Variants in CRTC1 observed in about 807,000 individuals in gnomAD.
CRTC1 encodes CREB regulated transcription coactivator 1, also known as CREB-regulated transcription coactivator 1.
Under a neutral mutation model 66.1 loss-of-function variants are expected in CRTC1, and 18 were observed. The observed-to-expected ratio is 0.27, with a 90% CI of 0.19 to 0.40. The LOEUF is 0.40. CRTC1 is among the 10% of genes least tolerant of loss of function. The pLI, the probability that CRTC1 is intolerant of heterozygous loss-of-function variation, is 1.00. For synonymous variants in CRTC1, 416 were observed against 398.8 expected (o/e 1.04, Z -0.51); for missense variants, 669 against 887.9 (o/e 0.75, Z 3.13).
chr19:18,776,521 T>C (rs2054992138), intron 13 of CRTC1, among the ~76,000 whole-genome samples: 1 of 152,160 alleles, frequency 6.6e-6, no homozygotes, highest in South Asian at 2.1e-4. Context: ...TGGCCTGGGC[T>C]CTGAGTGCAG....
intron 11 of CRTC1, among the ~76,000 whole-genome samples, chr19:18,774,224 T>C (rs1206819315): frequency 6.6e-6 from 1 of 152,096 alleles, no homozygotes; most frequent in Non-Finnish European, 1.5e-5. Flanking sequence ...GGGGAGGGGC[T>C]CCGAGTGTCT....
chr19:18,717,846 G>C (rs990705554), intron 1 of CRTC1, among the ~76,000 whole-genome samples: 3 of 152,038 alleles, frequency 2.0e-5, no homozygotes, highest in Admixed American at 6.5e-5. Flanking sequence ...GTGTGAGGCA[G>C]GAACAGTACA....
chr19:18,756,989 C>T (rs911364878), intron 6 of CRTC1, among the ~76,000 whole-genome samples: 1 of 152,254 alleles, frequency 6.6e-6, no homozygotes, highest in African/African-American at 2.4e-5. Flanking sequence ...TCCACAGAGG[C>T]TTAACACCCG....
At chr19:18,769,434 C>T (rs770862914) in intron 10 of CRTC1, among the ~76,000 whole-genome samples, 6 of 152,234 alleles carry the variant, frequency 3.9e-5, no homozygotes, top group East Asian at 3.8e-4. Context: ...ACTTGTGTTC[C>T]GGGCACAATG....
intron 1 of CRTC1, among the ~76,000 whole-genome samples, chr19:18,704,634 C>T (rs1249737273): frequency 1.3e-5 from 2 of 152,074 alleles, no homozygotes; most frequent in Non-Finnish European, 2.9e-5. Context: ...ATCGCTTGAA[C>T]CCTGGAGGCA....
intron 4 of CRTC1, among the ~76,000 whole-genome samples, chr19:18,749,166 C>G (rs948058667): frequency 2.6e-5 from 4 of 152,172 alleles, no homozygotes; most frequent in African/African-American, 9.7e-5. Flanking sequence ...AGGGAAGAGC[C>G]TCTCCTGGGC....
At chr19:18,744,122 G>C in intron 2 of CRTC1, 3 of 1,612,842 alleles carry the variant, frequency 1.9e-6, no homozygotes, top group Non-Finnish European at 2.5e-6. Flanking sequence ...GCGGATTTCT[G>C]GGGGAGGCCC....
chr19:18,770,653 ATGTG>A (rs1045513074), intron 10 of CRTC1, among the ~76,000 whole-genome samples: 9 of 151,130 alleles, frequency 6.0e-5, no homozygotes, highest in South Asian at 2.1e-4. Context: ...ATGCATGTGA[ATGTG>A]TGTGCATGTG....
chr19:18,775,531 G>A lies in CRTC1; in HGVS notation c.1513-110G>A, dbSNP rs1410023242. 2.9e-6 allele frequency: 3 copies of A among 1,022,428 alleles called. No individual in the cohort carries two copies. In the East Asian group the frequency reaches 8.4e-5, roughly 29 times the overall value. The allele number at this position is 1,022,428 out of a possible 1,614,324, so 63.3% of individuals were successfully genotyped here. The stretch of plus-strand genomic sequence containing the variant: ...AGCCTGGGTGCCGAGCATCCTGCAG[G>A]GACAGAGTCCCCAGCTGCGGGCAGG... On this transcript the variant is annotated intron_variant, in intron 12 of 13. Coordinates refer to ENST00000321949, the MANE Select transcript of CRTC1 (RefSeq NM_015321.3).
At chr19:18,733,459 G>A (rs934171603) in intron 1 of CRTC1, among the ~76,000 whole-genome samples, 1 of 152,238 alleles carries the variant, frequency 6.6e-6, no homozygotes, top group Non-Finnish European at 1.5e-5. Flanking sequence ...CTGATAAAAG[G>A]CATTCCGAGG....
chr19:18,689,655 T>C lies in CRTC1; in HGVS notation c.126+5827T>C, dbSNP rs2052782131. On this transcript the variant is annotated intron_variant, in intron 1 of 13. Transcript: ENST00000321949. ...TCAGTGGCATTAAGTTTATTCCCAG[T>C]GTGGTGCACCGTCACCGGCATGGCT... Among the ~76,000 whole-genome samples the C allele has an allele frequency of 3.5e-5, 5 of 141,566 alleles. No homozygotes were observed. The Admixed American group carries it at 3.7e-4, about 11-fold the overall frequency. The allele number at this position is 141,566 out of a possible 152,430, so 92.9% of individuals were successfully genotyped here. A position where few individuals can be genotyped will look rare whatever the true frequency, so the allele number is the denominator to read the frequency against.
intron 2 of CRTC1, chr19:18,744,066 A>G (rs760580508): frequency 1.2e-6 from 2 of 1,610,318 alleles, no homozygotes; most frequent in Non-Finnish European, 1.7e-6. Context: ...GGGGCCAGGC[A>G]AGGCAGCAGC....
chr19:18,726,323 G>A (rs2053751843), intron 1 of CRTC1, among the ~76,000 whole-genome samples: 1 of 152,238 alleles, frequency 6.6e-6, no homozygotes, highest in South Asian at 2.1e-4. Context: ...TCGGTCCCCG[G>A]GGGACAGCAG....
intron 6 of CRTC1, among the ~76,000 whole-genome samples, chr19:18,755,465 T>C (rs1236044413): frequency 2.0e-5 from 3 of 152,024 alleles, no homozygotes; most frequent in Admixed American, 1.3e-4. Context: ...GATCTTGCTC[T>C]GTTGCCCATG....
At position 18,723,422 on chromosome 19, in the gene CRTC1, C is replaced by A. The variant is rs544538828; in HGVS notation, c.127-19488C>A. ...TGTCTCTTCCCATCTGCCTTAGCATCCTTGCTTCTGAAGACAGCTCTCAGG... is the reference window on the plus strand; with the variant it reads ...TGTCTCTTCCCATCTGCCTTAGCATACTTGCTTCTGAAGACAGCTCTCAGG... On this transcript the variant is annotated intron_variant, in intron 1 of 13. Transcript: ENST00000321949. Among the ~76,000 whole-genome samples, 3 of 152,332 alleles carry A rather than the reference C, an allele frequency of 2.0e-5. No individual in the cohort carries two copies. The South Asian group carries it at 6.2e-4, about 32-fold the overall frequency.
intron 8 of CRTC1, 92 bp from the exon 9 acceptor site, chr19:18,765,312 A>G (rs1440663558): frequency 2.0e-6 from 3 of 1,500,128 alleles, no homozygotes; most frequent in East Asian, 4.8e-5. Flanking sequence ...CAGTTGAGCT[A>G]TTCCCATGCA....
In CRTC1 at chr19:18,760,995, C is replaced by T. The variant is rs1049063386; in HGVS notation, c.886+767C>T. ...GGGACCTCGCACGGCCCCCAGCTCCCTCTCAGTGAAAGCCTGAGGCCTCCA... is the reference window on the plus strand; with the variant it reads ...GGGACCTCGCACGGCCCCCAGCTCCTTCTCAGTGAAAGCCTGAGGCCTCCA... On this transcript the variant is annotated intron_variant, in intron 8 of 13. Coordinates refer to ENST00000321949, the MANE Select transcript of CRTC1 (RefSeq NM_015321.3). The surrounding 1 kb of genome is among the most constrained non-coding windows in gnomAD (Gnocchi z 6.2). Among the ~76,000 whole-genome samples the T allele has an allele frequency of 1.3e-5, 2 of 152,156 alleles. No individual in the cohort carries two copies. Among genetic ancestry groups the T allele is most frequent in the Non-Finnish European group, 1.5e-5 (1 of 68,022 alleles).
In CRTC1 at chr19:18,758,646, G is replaced by A. The variant is rs562552974; in HGVS notation, c.625-905G>A. ...GAAGTAGCAGACCCTGAGGGTCCCC[G>A]GGGAAGTCACATGTCTAGGTCTCTG... On this transcript the variant is annotated intron_variant, in intron 6 of 13. Coordinates refer to ENST00000321949, the MANE Select transcript of CRTC1 (RefSeq NM_015321.3). Among the ~76,000 whole-genome samples, 5 of 152,266 alleles carry A rather than the reference G, an allele frequency of 3.3e-5. No individual in the cohort carries two copies. The South Asian group carries it at 1.0e-3, about 32-fold the overall frequency.
chr19:18,695,603 C>T (rs1373911219), intron 1 of CRTC1, among the ~76,000 whole-genome samples: 2 of 152,052 alleles, frequency 1.3e-5, no homozygotes, highest in Non-Finnish European at 2.9e-5. Flanking sequence ...TGGTGGCTCA[C>T]GCTTGTAATC....
Sources: allele counts gnomAD v4.1 joint callset (sites outside exome capture counted in the v4.1 genomes callset), GRCh38; gene constraint gnomAD v4.1.1; non-coding constraint Gnocchi (gnomAD v3.1); transcripts MANE v1.5; gene names NCBI Gene and HGNC (gene_info 2026-07-23, HGNC 2026-07-21).